The following DNAH12 variants were observed in gnomAD, a reference collection of about 807,000 sequenced individuals.
The protein encoded by DNAH12 is dynein axonemal heavy chain 12.
A neutral mutation model predicts 371.5 loss-of-function variants in DNAH12; 285 were observed. The ratio of observed to expected loss-of-function variants is 0.77; its 90% CI spans 0.70 to 0.85. The LOEUF (loss-of-function observed/expected upper bound fraction) is 0.85, where lower values mean the gene tolerates loss of function less well. Among genes scored for constraint, DNAH12 ranks in the 40% least tolerant of loss-of-function variants. The probability of loss-of-function intolerance (pLI) is 0.00; values close to 1 mark genes in which losing one functional copy is unlikely to be tolerated. For missense variants in DNAH12, 3,611 were observed against 3,689.4 expected (o/e 0.98, Z 0.55); for synonymous variants, 1,200 against 1,213.0 (o/e 0.99, Z 0.22).
At chr3:57,351,540 C>T (rs2062675333) in intron 60 of DNAH12, among the ~76,000 whole-genome samples, 3 of 152,128 alleles carry the variant, frequency 2.0e-5, no homozygotes, top group Non-Finnish European at 2.9e-5. Flanking sequence ...GAACAGGTAA[C>T]GTCAATGTAT....
chr3:57,364,806 G>T (rs1048293567), intron 57 of DNAH12, among the ~76,000 whole-genome samples: 80 of 152,172 alleles, frequency 5.3e-4, no homozygotes, highest in African/African-American at 1.9e-3. Flanking sequence ...AATGGGCAAA[G>T]GACATAAGGA....
chr3:57,403,561 A>T, intron 42 of DNAH12, 60 bp from the exon 43 acceptor site: 4 of 1,418,118 alleles, frequency 2.8e-6, no homozygotes, highest in Non-Finnish European at 3.8e-6. Context: ...GTATAGTTAC[A>T]TGTAACTATT....
intron 43 of DNAH12, among the ~76,000 whole-genome samples, chr3:57,398,924 T>A (rs1291348934): frequency 6.6e-6 from 1 of 152,164 alleles, no homozygotes; most frequent in African/African-American, 2.4e-5. Context: ...GTAATTTTGG[T>A]GCATAAATCT....
At chr3:57,402,741 TAGA>T (rs2063909477) in intron 43 of DNAH12, among the ~76,000 whole-genome samples, 1 of 152,170 alleles carries the variant, frequency 6.6e-6, no homozygotes, top group Non-Finnish European at 1.5e-5. Context: ...AACATGCAGT[TAGA>T]AGAAGTTCCA....
At chr3:57,511,046 T>C (rs910755396) in intron 4 of DNAH12, 67 bp from the exon 5 acceptor site, 4 of 1,175,000 alleles carry the variant, frequency 3.4e-6, no homozygotes, top group African/African-American at 1.6e-5. Context: ...TCCTGAACTC[T>C]CCCTTCCTAA....
intron 69 of DNAH12, among the ~76,000 whole-genome samples, chr3:57,304,021 C>T (rs1575422963): frequency 6.6e-6 from 1 of 152,168 alleles, no homozygotes; most frequent in Middle Eastern, 3.4e-3. Context: ...CTGGCTCATC[C>T]TGGCTCAAAA....
chr3:57,327,406 C>T (rs1296606509), intron 62 of DNAH12, among the ~76,000 whole-genome samples: 1 of 152,192 alleles, frequency 6.6e-6, no homozygotes, highest in South Asian at 2.1e-4. Context: ...TTCAGAAACT[C>T]ACTCAAAACC....
chr3:57,342,089 T>C (rs2062416032), intron 60 of DNAH12, among the ~76,000 whole-genome samples: 2 of 152,144 alleles, frequency 1.3e-5, no homozygotes, highest in African/African-American at 4.8e-5. Flanking sequence ...CTAGACTCTC[T>C]CCTCTTATTC....
chr3:57,420,719 C>T (rs9876846), intron 36 of DNAH12, among the ~76,000 whole-genome samples: 112 of 152,002 alleles, frequency 7.4e-4, no homozygotes, highest in African/African-American at 2.6e-3. Flanking sequence ...ACCATCCTGG[C>T]TAACACGGTG....
chr3:57,515,901 T>C (rs949541461), intron 4 of DNAH12, among the ~76,000 whole-genome samples: 1 of 151,852 alleles, frequency 6.6e-6, no homozygotes, highest in African/African-American at 2.4e-5. Flanking sequence ...TGTCTAAAAT[T>C]ATTTTGAGAT....
At chr3:57,472,961 A>G (rs1575649911) in intron 13 of DNAH12, among the ~76,000 whole-genome samples, 2 of 152,290 alleles carry the variant, frequency 1.3e-5, no homozygotes, top group East Asian at 1.9e-4. Context: ...TCCCTTGTTT[A>G]TGACTGAAAA....
intron 40 of DNAH12, among the ~76,000 whole-genome samples, chr3:57,407,757 G>A (rs958535518): frequency 1.3e-5 from 2 of 152,026 alleles, no homozygotes; most frequent in Non-Finnish European, 2.9e-5. Flanking sequence ...GGCCATATGG[G>A]GAGTCTTGTT....
intron 58 of DNAH12, among the ~76,000 whole-genome samples, chr3:57,360,666 A>C (rs2062905893): frequency 7.2e-6 from 1 of 138,710 alleles, no homozygotes; most frequent in East Asian, 2.0e-4. Context: ...TAGCCTGGGC[A>C]ACAAGAGCGA....
At chr3:57,350,601 A>G (rs970402299) in intron 60 of DNAH12, among the ~76,000 whole-genome samples, 5 of 152,244 alleles carry the variant, frequency 3.3e-5, no homozygotes, top group African/African-American at 4.8e-5. Flanking sequence ...GAATACCTTC[A>G]TAATATTGGG....
intron 42 of DNAH12, 134 bp from the exon 43 acceptor site, chr3:57,403,635 G>T: frequency 1.2e-6 from 1 of 802,894 alleles, no homozygotes; most frequent in Non-Finnish European, 1.8e-6. Context: ...ATTTTAAAGA[G>T]TTTACTATCA....
At chr3:57,298,729 T>C (rs1168927473) in intron 70 of DNAH12, among the ~76,000 whole-genome samples, 1 of 152,240 alleles carries the variant, frequency 6.6e-6, no homozygotes, top group Non-Finnish European at 1.5e-5. Context: ...TCTGCTTTCT[T>C]GTGCCATAAG....
intron 60 of DNAH12, among the ~76,000 whole-genome samples, chr3:57,345,042 C>T (rs1010640913): frequency 4.0e-5 from 6 of 151,788 alleles, no homozygotes; most frequent in Admixed American, 1.3e-4. Flanking sequence ...GTTAATTGTA[C>T]ATATATGTCA....
intron 30 of DNAH12, among the ~76,000 whole-genome samples, chr3:57,434,484 T>C (rs1559654789): frequency 6.6e-6 from 1 of 152,142 alleles, no homozygotes; most frequent in African/African-American, 2.4e-5. Flanking sequence ...TAAATCTTTG[T>C]TTTTTAAATC....
intron 44 of DNAH12, among the ~76,000 whole-genome samples, chr3:57,392,348 T>TA (rs1185785592): frequency 2.2e-4 from 34 of 152,148 alleles, no homozygotes; most frequent in Non-Finnish European, 1.3e-4. Flanking sequence ...ACATTGTTTT[T>TA]AAGAGAAAAA....
Sources: allele counts gnomAD v4.1 joint callset (sites outside exome capture counted in the v4.1 genomes callset), GRCh38; gene constraint gnomAD v4.1.1; transcripts MANE v1.5; gene names NCBI Gene and HGNC (gene_info 2026-07-23, HGNC 2026-07-21).